The following UBE2W variants were observed in gnomAD, a reference collection of about 807,000 sequenced individuals.
UBE2W encodes the protein ubiquitin conjugating enzyme E2 W, also known as ubiquitin-conjugating enzyme E2 W.
UBE2W carries 18 observed loss-of-function variants against 27.2 expected under a neutral mutation model. The observed-to-expected ratio is 0.66, with a 90% confidence interval of 0.46 to 0.98. UBE2W has a LOEUF of 0.98. Among genes scored for constraint, UBE2W ranks in the 50% least tolerant of loss-of-function variants. The pLI is 0.00. For missense variants in UBE2W, 90 were observed against 180.2 expected (o/e 0.50, Z 2.87); for synonymous variants, 53 against 57.2 (o/e 0.93, Z 0.33).
At chr8:73,794,164 G>A in intron 5 of UBE2W, 49 bp from the exon 6 acceptor site, 1 of 1,594,622 alleles carries the variant, frequency 6.3e-7, no homozygotes, top group South Asian at 1.1e-5. Context: ...GCATGTATAA[G>A]TAAATTCTAC....
chr8:73,793,065 A>G lies in UBE2W; in HGVS notation c.*1037T>C, dbSNP rs972683661. On this transcript the variant is annotated 3_prime_UTR_variant, in exon 6 of 6. Transcript: ENST00000602593. ...AAAATTTACAAGAAAAAACTTAACA[A>G]AAGTTTCAATAAAAGTATTGTAACA... 66 of 985,622 alleles carry G rather than the reference A, an allele frequency of 6.7e-5. No homozygotes were observed. The highest frequency in any genetic ancestry group is 1.1e-4 in the East Asian group (1 of 8,814). 61.1% of individuals were successfully genotyped at this position (985,622 alleles called of 1,614,324 possible). A position where few individuals can be genotyped will look rare whatever the true frequency, so the allele number is the denominator to read the frequency against.
chr8:73,794,463 A>T (rs1168735800), intron 5 of UBE2W, among the ~76,000 whole-genome samples: 1 of 152,228 alleles, frequency 6.6e-6, no homozygotes. Context: ...ATGAGACAGA[A>T]GTAAACTCCT....
At chr8:73,816,179 A>T (rs1054110941) in intron 3 of UBE2W, among the ~76,000 whole-genome samples, 1 of 152,146 alleles carries the variant, frequency 6.6e-6, no homozygotes, top group Non-Finnish European at 1.5e-5. Context: ...GACACAACGA[A>T]ACTAAACTTG....
chr8:73,857,943 G>T (rs113152146), intron 1 of UBE2W, among the ~76,000 whole-genome samples: 1 of 152,086 alleles, frequency 6.6e-6, no homozygotes, highest in Non-Finnish European at 1.5e-5. Context: ...ACCTTTAAGC[G>T]GCTGGGCATG....
intron 1 of UBE2W, among the ~76,000 whole-genome samples, chr8:73,840,058 TTC>T (rs1238291063): frequency 2.7e-5 from 4 of 150,450 alleles, no homozygotes. Context: ...CATTTTTCTT[TTC>T]TTTTTTTTCC....
chr8:73,793,903 A>C lies in UBE2W; in HGVS notation c.*199T>G. 1 of 1,405,990 alleles carries C rather than the reference A, an allele frequency of 7.1e-7. No individual in the cohort carries two copies. Among genetic ancestry groups the C allele is most frequent in the Non-Finnish European group, 9.3e-7 (1 of 1,076,176 alleles). 87.1% of individuals were successfully genotyped at this position (1,405,990 alleles called of 1,614,324 possible). A position where few individuals can be genotyped will look rare whatever the true frequency, so the allele number is the denominator to read the frequency against. On this transcript the variant is annotated 3_prime_UTR_variant, in exon 6 of 6. Transcript: ENST00000602593. Reference sequence around the variant, plus strand: ...CTGCATTAATACTGTATGACTAATAAAAGCATGTCAGTTGCCTGGACTGAA... The same window carrying C: ...CTGCATTAATACTGTATGACTAATACAAGCATGTCAGTTGCCTGGACTGAA...
chr8:73,876,038 C>G (rs983436792), intron 1 of UBE2W, among the ~76,000 whole-genome samples: 1 of 151,966 alleles, frequency 6.6e-6, no homozygotes, highest in Non-Finnish European at 1.5e-5. Context: ...AGCAACACAG[C>G]GAGACTCCAT....
At position 73,787,666 on chromosome 8, in the gene UBE2W, C is replaced by G. The variant is rs942403119; in HGVS notation, c.*6436G>C. Reference sequence around the variant, plus strand: ...TCAGGAATAACAGATGCTGAGATAGCCCCTTCTTGTGGTTATTTCTTTCCT... The same window carrying G: ...TCAGGAATAACAGATGCTGAGATAGGCCCTTCTTGTGGTTATTTCTTTCCT... On this transcript the variant is annotated 3_prime_UTR_variant, in exon 6 of 6. Coordinates refer to ENST00000602593, the MANE Select transcript of UBE2W (RefSeq NM_018299.6). 17 of 985,388 alleles carry G rather than the reference C, an allele frequency of 1.7e-5. No homozygotes were observed. Among genetic ancestry groups the G allele is most frequent in the Non-Finnish European group, 2.0e-5 (17 of 829,928 alleles). 61.0% of individuals were successfully genotyped at this position (985,388 alleles called of 1,614,324 possible). A position where few individuals can be genotyped will look rare whatever the true frequency, so the allele number is the denominator to read the frequency against.
chr8:73,818,693 G>A (rs1809489685), intron 3 of UBE2W, among the ~76,000 whole-genome samples: 1 of 152,208 alleles, frequency 6.6e-6, no homozygotes, highest in Non-Finnish European at 1.5e-5. Flanking sequence ...CACTCTGGGT[G>A]TGTGCTCTCA....
At chr8:73,849,512 CAAAAAAAAAAAAAAA>C (rs71269951) in intron 1 of UBE2W, among the ~76,000 whole-genome samples, 15 of 22,772 alleles carry the variant, frequency 6.6e-4, no homozygotes, top group South Asian at 4.5e-3. Context: ...AACTCCATCT[CAAAAAAAAAAAAAAA>C]AAAAAAAAAA....
At chr8:73,856,166 C>G (rs1811289383) in intron 1 of UBE2W, among the ~76,000 whole-genome samples, 1 of 151,788 alleles carries the variant, frequency 6.6e-6, no homozygotes, top group Non-Finnish European at 1.5e-5. Flanking sequence ...ACCAAATAAA[C>G]AAATTACCAT....
At chr8:73,868,212 G>A (rs991333119) in intron 1 of UBE2W, among the ~76,000 whole-genome samples, 15 of 152,138 alleles carry the variant, frequency 9.9e-5, no homozygotes, top group Non-Finnish European at 4.4e-5. Context: ...GAAGAAGGGG[G>A]GGCTCAGGGT....
At chr8:73,833,078 A>G (rs1444534047) in intron 1 of UBE2W, among the ~76,000 whole-genome samples, 1 of 151,756 alleles carries the variant, frequency 6.6e-6, no homozygotes, top group Admixed American at 6.6e-5. Context: ...CCAGCTACTC[A>G]ACAGGCAGAG....
In UBE2W at chr8:73,792,850, A is replaced by G; in HGVS notation, c.*1252T>C. On this transcript the variant is annotated 3_prime_UTR_variant, in exon 6 of 6. Coordinates refer to ENST00000602593, the MANE Select transcript of UBE2W (RefSeq NM_018299.6). ...AAGCAAAGTCTTTTCAACAACAACA[A>G]AACAAAACCCTCCAGGAAAAACTAT... 1.0e-6 allele frequency: 1 copy of G among 985,528 alleles called. No individual in the cohort carries two copies. The highest frequency in any genetic ancestry group is 1.1e-4 in the East Asian group (1 of 8,832). The allele number at this position is 985,528 out of a possible 1,614,324, so 61.0% of individuals were successfully genotyped here. A position where few individuals can be genotyped will look rare whatever the true frequency, so the allele number is the denominator to read the frequency against.
chr8:73,855,404 T>A (rs1049799250), intron 1 of UBE2W, among the ~76,000 whole-genome samples: 1 of 142,662 alleles, frequency 7.0e-6, no homozygotes, highest in Admixed American at 6.9e-5. Flanking sequence ...CTTTTTTTTT[T>A]TTTTTTTTTT....
intron 1 of UBE2W, among the ~76,000 whole-genome samples, chr8:73,856,357 ATTTTTTTTTT>A (rs34593904): frequency 2.2e-4 from 20 of 89,366 alleles, no homozygotes; most frequent in African/African-American, 7.5e-4. Context: ...ACACTTATGA[ATTTTTTTTTT>A]TTTTTTTTTT....
In UBE2W at chr8:73,803,686, T is replaced by C. The variant is rs578183837; in HGVS notation, c.442+1965A>G. On this transcript the variant is annotated intron_variant, in intron 5 of 5. Transcript: ENST00000602593. Reference sequence around the variant, plus strand: ...CATTTTCTTCTTCTTCTAAGTCATATGTATTTCTTATTGATATTACCCCAA... The same window carrying C: ...CATTTTCTTCTTCTTCTAAGTCATACGTATTTCTTATTGATATTACCCCAA... Among the ~76,000 whole-genome samples the C allele has an allele frequency of 5.3e-5, 8 of 152,294 alleles. No homozygotes were observed. The East Asian group carries it at 1.2e-3, about 22-fold the overall frequency.
At chr8:73,878,719 TC>T in intron 1 of UBE2W, 88 bp downstream of exon 1, 1 of 1,198,900 alleles carries the variant, frequency 8.3e-7, no homozygotes, top group Admixed American at 2.0e-5. Context: ...CGCCCGGGTG[TC>T]CCCGAATCGC....
intron 3 of UBE2W, among the ~76,000 whole-genome samples, chr8:73,820,878 G>C (rs1809584629): frequency 6.6e-6 from 1 of 152,200 alleles, no homozygotes; most frequent in Non-Finnish European, 1.5e-5. Flanking sequence ...TTGAGCCCAG[G>C]AGTTGGAGGC....
Sources: allele counts gnomAD v4.1 joint callset (sites outside exome capture counted in the v4.1 genomes callset), GRCh38; gene constraint gnomAD v4.1.1; transcripts MANE v1.5; gene names NCBI Gene and HGNC (gene_info 2026-07-23, HGNC 2026-07-21).